The following ARHGAP17 variants were observed in gnomAD, a reference collection of about 807,000 sequenced individuals.
ARHGAP17 encodes Rho GTPase activating protein 17.
ARHGAP17 carries 57 observed loss-of-function variants against 99.5 expected under a neutral mutation model. That is an observed-to-expected ratio of 0.57 (90% CI 0.46 to 0.71). ARHGAP17 has a LOEUF of 0.71. ARHGAP17 is among the 30% of genes least tolerant of loss of function. The pLI, the probability that ARHGAP17 is intolerant of heterozygous loss-of-function variation, is 0.00. For missense variants in ARHGAP17, 1,000 were observed against 1,122.4 expected (o/e 0.89, Z 1.56); for synonymous variants, 417 against 429.6 (o/e 0.97, Z 0.36).
Position 24,968,924 on chromosome 16 carries a change from A to G in ARHGAP17, c.273-152T>C, listed in dbSNP as rs1318780403. Reference sequence around the variant, plus strand: ...ATATTATAAATGTAGGGTACTGCCTAAAACATGAGTCCACAGATTTGTGCT... The same window carrying G: ...ATATTATAAATGTAGGGTACTGCCTGAAACATGAGTCCACAGATTTGTGCT... On this transcript the variant is annotated intron_variant, in intron 4 of 19. Coordinates refer to ENST00000289968, the MANE Select transcript of ARHGAP17 (RefSeq NM_001006634.3). 6.0e-6 allele frequency: 4 copies of G among 666,520 alleles called. No individual in the cohort carries two copies. In the East Asian group the frequency reaches 1.1e-4, roughly 18 times the overall value. 41.3% of individuals were successfully genotyped at this position (666,520 alleles called of 1,614,324 possible).
intron 18 of ARHGAP17, among the ~76,000 whole-genome samples, chr16:24,934,060 G>A (rs542891565): frequency 2.6e-5 from 4 of 152,256 alleles, no homozygotes; most frequent in Non-Finnish European, 4.4e-5. Flanking sequence ...CAGTGGACTC[G>A]GATTTGCCTC....
chr16:24,965,286 C>T (rs1016977864), intron 6 of ARHGAP17, among the ~76,000 whole-genome samples: 8 of 152,254 alleles, frequency 5.3e-5, no homozygotes, highest in Admixed American at 1.3e-4. Flanking sequence ...TTGGCTAACA[C>T]GGTGAAACCC....
At chr16:24,967,050 C>A (rs1483689693) in intron 6 of ARHGAP17, among the ~76,000 whole-genome samples, 1 of 152,168 alleles carries the variant, frequency 6.6e-6, no homozygotes, top group Non-Finnish European at 1.5e-5. Context: ...CACAGATGAA[C>A]AAATGAACAG....
At chr16:24,945,839 T>A (rs2051456608) in intron 14 of ARHGAP17, among the ~76,000 whole-genome samples, 1 of 152,180 alleles carries the variant, frequency 6.6e-6, no homozygotes, top group East Asian at 1.9e-4. Context: ...TAAGGGTTAA[T>A]AAGGACACAG....
chr16:24,969,944 A>G (rs1399539968), intron 4 of ARHGAP17, among the ~76,000 whole-genome samples: 1 of 152,232 alleles, frequency 6.6e-6, no homozygotes, highest in Non-Finnish European at 1.5e-5. Context: ...ACAGGGCTAG[A>G]GAACACCAGC....
chr16:24,988,713 C>A (rs2052946887), intron 1 of ARHGAP17, among the ~76,000 whole-genome samples: 1 of 152,168 alleles, frequency 6.6e-6, no homozygotes, highest in Non-Finnish European at 1.5e-5. Flanking sequence ...TTGGCTTTTT[C>A]CCCTCTGGCA....
intron 1 of ARHGAP17, among the ~76,000 whole-genome samples, chr16:24,998,546 G>T (rs2053267072): frequency 6.6e-6 from 1 of 152,140 alleles, no homozygotes; most frequent in Non-Finnish European, 1.5e-5. Context: ...GAGAGGGTGG[G>T]TGTCTGGGGT....
chr16:24,963,860 A>C (rs187854185), intron 7 of ARHGAP17, among the ~76,000 whole-genome samples: 2 of 152,202 alleles, frequency 1.3e-5, no homozygotes, highest in Non-Finnish European at 2.9e-5. Context: ...ATACAGTTTT[A>C]CTTCTTTTTT....
intron 13 of ARHGAP17, chr16:24,948,861 T>C (rs1682198479): frequency 6.6e-6 from 1 of 151,892 alleles, no homozygotes; most frequent in African/African-American, 2.4e-5. Flanking sequence ...CTTTTCTCTA[T>C]ACTTGTTCAA....
chr16:24,920,031 TGAAA>T lies in ARHGAP17; in HGVS notation c.*95_*98del. ...AGTGAGGCCCTCCTTTGTCCTCCAC[TGAAA>T]GCTTTTCACTGTTCGGTCTGCAAAG... On this transcript the variant is annotated 3_prime_UTR_variant, in exon 20 of 20. Coordinates refer to ENST00000289968, the MANE Select transcript of ARHGAP17 (RefSeq NM_001006634.3). 2 of 1,520,352 alleles carry T rather than the reference TGAAA, an allele frequency of 1.3e-6. No homozygotes were observed. 94.2% of individuals were successfully genotyped at this position (1,520,352 alleles called of 1,614,324 possible). A position where few individuals can be genotyped will look rare whatever the true frequency, so the allele number is the denominator to read the frequency against.
chr16:25,000,989 T>C (rs890613956), intron 1 of ARHGAP17, among the ~76,000 whole-genome samples: 2 of 152,216 alleles, frequency 1.3e-5, no homozygotes, highest in African/African-American at 4.8e-5. Context: ...TTACAACACT[T>C]GTATTTTAGC....
intron 2 of ARHGAP17, 96 bp downstream of exon 2, chr16:24,978,870 A>T: frequency 1.5e-6 from 1 of 660,728 alleles, no homozygotes. Flanking sequence ...TCTGGTTAAA[A>T]AAAAAAAAAA....
intron 1 of ARHGAP17, among the ~76,000 whole-genome samples, chr16:24,997,758 G>A (rs2053239507): frequency 6.6e-6 from 1 of 152,124 alleles, no homozygotes; most frequent in Admixed American, 6.5e-5. Context: ...GGACTGGCTG[G>A]ACAATGTGTG....
At chr16:24,988,972 A>G (rs760037513) in intron 1 of ARHGAP17, among the ~76,000 whole-genome samples, 7 of 152,216 alleles carry the variant, frequency 4.6e-5, no homozygotes, top group Admixed American at 2.6e-4. Flanking sequence ...AAAATATGTG[A>G]GAAATATTTT....
chr16:24,962,892 A>C (rs1465089291), intron 7 of ARHGAP17, among the ~76,000 whole-genome samples: 2 of 152,246 alleles, frequency 1.3e-5, no homozygotes, highest in Non-Finnish European at 2.9e-5. Context: ...AGCAGATCAA[A>C]CATAGCTAAA....
rs200678951 is a variant in ARHGAP17 at position 24,947,604 on chromosome 16, C to G, written c.1128-9G>C. The G allele has an allele frequency of 1.2e-6, 2 of 1,603,896 alleles. No homozygotes were observed. The highest frequency in any genetic ancestry group is 2.2e-5 in the East Asian group (1 of 44,860). ...GGAACTTGATCAAATATCTAGGGGT[C>G]AAAAGAGAAGGGGAGGGTTTCTCCT... On this transcript the variant is annotated splice_polypyrimidine_tract_variant and intron_variant, in intron 13 of 19. Coordinates refer to ENST00000289968, the MANE Select transcript of ARHGAP17 (RefSeq NM_001006634.3).
At chr16:24,923,050 G>A (rs776809189) in intron 19 of ARHGAP17, among the ~76,000 whole-genome samples, 3 of 152,018 alleles carry the variant, frequency 2.0e-5, no homozygotes, top group South Asian at 2.1e-4. Flanking sequence ...TTATTACATC[G>A]TCTCACTGAA....
chr16:24,961,911 T>TTAGGAATTATATATA (rs147868119), intron 7 of ARHGAP17, among the ~76,000 whole-genome samples: 1 of 130,030 alleles, frequency 7.7e-6, no homozygotes. Context: ...CATAGGAATT[T>TTAGGAATTATATATA]TATATATATA....
At chr16:24,990,429 T>C (rs1268961211) in intron 1 of ARHGAP17, among the ~76,000 whole-genome samples, 1 of 151,810 alleles carries the variant, frequency 6.6e-6, no homozygotes, top group African/African-American at 2.4e-5. Flanking sequence ...AAGACTTCAG[T>C]GAGCCACGAT....
Sources: gnomAD v4.1 joint callset for allele counts (sites outside exome capture counted in the v4.1 genomes callset) on GRCh38, gnomAD v4.1.1 for gene constraint, MANE v1.5 for transcripts, NCBI Gene and HGNC (gene_info 2026-07-23, HGNC 2026-07-21) for gene names.